Variants in ZMAT4 observed in about 807,000 individuals in gnomAD.
The protein encoded by ZMAT4 is zinc finger matrin-type 4.
Under a neutral mutation model 28.7 loss-of-function variants are expected in ZMAT4, and 17 were observed. The observed-to-expected ratio is 0.59, with a 90% confidence interval of 0.41 to 0.89. The LOEUF is 0.89. ZMAT4 is among the 40% of genes least tolerant of loss of function. ZMAT4 has a pLI of 0.00. For missense variants in ZMAT4, 240 were observed against 283.8 expected (o/e 0.85, Z 1.11); for synonymous variants, 117 against 109.2 (o/e 1.07, Z -0.44).
chr8:40,878,178 A>G (rs961550156), intron 1 of ZMAT4, among the ~76,000 whole-genome samples: 2 of 152,214 alleles, frequency 1.3e-5, no homozygotes, highest in Non-Finnish European at 1.5e-5. Context: ...TCAACCGTCA[A>G]TCATGAAAGC....
intron 1 of ZMAT4, among the ~76,000 whole-genome samples, chr8:40,832,389 T>A (rs568464454): frequency 1.3e-5 from 2 of 152,282 alleles, no homozygotes; most frequent in South Asian, 4.1e-4. Context: ...ATTCTGCACC[T>A]CTGCAACCTT....
intron 2 of ZMAT4, among the ~76,000 whole-genome samples, chr8:40,774,299 A>T (rs1367402399): frequency 1.3e-5 from 2 of 152,294 alleles, no homozygotes; most frequent in Non-Finnish European, 2.9e-5. Context: ...GCTACCTTAC[A>T]ACTGTTTAAT....
intron 2 of ZMAT4, among the ~76,000 whole-genome samples, chr8:40,781,631 G>A (rs566501934): frequency 1.2e-3 from 185 of 148,332 alleles, no homozygotes; most frequent in African/African-American, 4.3e-3. Context: ...GCGTAGTGGC[G>A]GGCGCCTGTA....
intron 1 of ZMAT4, among the ~76,000 whole-genome samples, chr8:40,852,235 T>C (rs1211685133): frequency 1.3e-5 from 2 of 152,322 alleles, no homozygotes; most frequent in South Asian, 2.1e-4. Flanking sequence ...TCCCAGCCTC[T>C]AGTACCCTCT....
intron 4 of ZMAT4, among the ~76,000 whole-genome samples, chr8:40,689,747 C>A (rs1402382124): frequency 2.6e-5 from 4 of 151,834 alleles, no homozygotes; most frequent in African/African-American, 4.8e-5. Context: ...ATTTCAAGTC[C>A]TGACCATGTC....
chr8:40,594,458 T>C (rs1419127974), intron 5 of ZMAT4, among the ~76,000 whole-genome samples: 3 of 152,198 alleles, frequency 2.0e-5, no homozygotes, highest in Non-Finnish European at 2.9e-5. Context: ...ATCATTTTCA[T>C]TGAGAGGAGC....
chr8:40,889,286 G>A lies in ZMAT4; in HGVS notation c.-5+8397C>T, dbSNP rs570736829. ...TCCAGCCCTTACTGACAAAGCAGGC[G>A]GCACTTGCCGCATTTCACGTGAGCG... On this transcript the variant is annotated intron_variant, in intron 1 of 6. Transcript: ENST00000297737. Among the ~76,000 whole-genome samples, 4 of 152,184 alleles carry A rather than the reference G, an allele frequency of 2.6e-5. No individual in the cohort carries two copies. The South Asian group carries it at 8.3e-4, about 32-fold the overall frequency.
intron 2 of ZMAT4, among the ~76,000 whole-genome samples, chr8:40,786,444 A>AT (rs1814086934): frequency 1.1e-5 from 1 of 88,260 alleles, no homozygotes; most frequent in Non-Finnish European, 2.5e-5. Flanking sequence ...ACAGAAGTAC[A>AT]TGACATTCAT....
At chr8:40,678,771 A>G (rs1393818611) in intron 4 of ZMAT4, among the ~76,000 whole-genome samples, 1 of 152,174 alleles carries the variant, frequency 6.6e-6, no homozygotes, top group Non-Finnish European at 1.5e-5. Context: ...TAAAAATGCA[A>G]AAACCCCCGA....
chr8:40,629,978 C>T (rs913891164), intron 5 of ZMAT4, among the ~76,000 whole-genome samples: 2 of 152,078 alleles, frequency 1.3e-5, no homozygotes, highest in African/African-American at 2.4e-5. Flanking sequence ...TGAGGAATCG[C>T]CACACTGACT....
intron 3 of ZMAT4, among the ~76,000 whole-genome samples, chr8:40,733,137 A>T (rs4549755): frequency 0.25 from 37,895 of 151,638 alleles, 5,369 homozygotes; most frequent in East Asian, 0.56. Context: ...TGTTTGGCTG[A>T]CCTCCATACT....
intron 5 of ZMAT4, among the ~76,000 whole-genome samples, chr8:40,632,171 A>T (rs1806612654): frequency 6.6e-6 from 1 of 152,176 alleles, no homozygotes; most frequent in African/African-American, 2.4e-5. Context: ...TTGGTGCCTG[A>T]AGTCTGGAAT....
chr8:40,647,180 G>C (rs1055296205), intron 5 of ZMAT4, among the ~76,000 whole-genome samples: 3 of 152,194 alleles, frequency 2.0e-5, no homozygotes, highest in Non-Finnish European at 2.9e-5. Context: ...CATCTCACTA[G>C]GGAGTGCCAG....
intron 3 of ZMAT4, among the ~76,000 whole-genome samples, chr8:40,744,692 A>G (rs967815098): frequency 6.6e-6 from 1 of 152,170 alleles, no homozygotes. Flanking sequence ...TGAGACTTGC[A>G]TCTTCACAAA....
At chr8:40,589,762 T>TTCTTTCTTTCTTTC (rs139887440) in intron 5 of ZMAT4, among the ~76,000 whole-genome samples, 3 of 33,436 alleles carry the variant, frequency 9.0e-5, no homozygotes, top group Admixed American at 4.3e-4. Flanking sequence ...CTTTCTTTCT[T>TTCTTTCTTTCTTTC]TTTCTTTCTT....
chr8:40,813,074 A>G (rs1339921057), intron 2 of ZMAT4, among the ~76,000 whole-genome samples: 2 of 151,920 alleles, frequency 1.3e-5, no homozygotes, highest in Non-Finnish European at 2.9e-5. Flanking sequence ...TAGCAATGTA[A>G]GATGTTAACA....
intron 5 of ZMAT4, among the ~76,000 whole-genome samples, chr8:40,585,469 G>C (rs1804637727): frequency 6.6e-6 from 1 of 152,040 alleles, no homozygotes; most frequent in African/African-American, 2.4e-5. Context: ...AAATGTACAA[G>C]AAGTTTCAGA....
At position 40,845,218 on chromosome 8, in the gene ZMAT4, G is replaced by A. The variant is rs757108848; in HGVS notation, c.-4-19538C>T. 6.6e-5 allele frequency among the ~76,000 whole-genome samples: 10 copies of A among 152,298 alleles called. No individual in the cohort carries two copies. The South Asian group carries it at 1.0e-3, about 16-fold the overall frequency. ...ACTTGGATCTCCTCCTGAATGAAGT[G>A]TGTGGATGCCCTGGGTCTGTTCCCA... On this transcript the variant is annotated intron_variant, in intron 1 of 6. Transcript: ENST00000297737.
At chr8:40,633,101 A>C (rs1806655629) in intron 5 of ZMAT4, among the ~76,000 whole-genome samples, 1 of 100,014 alleles carries the variant, frequency 1.0e-5, no homozygotes, top group South Asian at 3.5e-4. Flanking sequence ...ATTACAATTC[A>C]TTACAGAAGA....
Sources: gnomAD v4.1 joint callset for allele counts (sites outside exome capture counted in the v4.1 genomes callset) on GRCh38, gnomAD v4.1.1 for gene constraint, MANE v1.5 for transcripts, NCBI Gene and HGNC (gene_info 2026-07-23, HGNC 2026-07-21) for gene names.